CD2AP: variants seen among roughly 807,000 people sequenced by gnomAD.
CD2AP encodes the protein CD2 associated protein, also known as CD2-associated protein.
Under a neutral mutation model 85.1 loss-of-function variants are expected in CD2AP, and 46 were observed. That is an observed-to-expected ratio of 0.54 (90% confidence interval 0.43 to 0.69). The LOEUF (loss-of-function observed/expected upper bound fraction) is 0.69. Ranked by LOEUF, CD2AP falls within the 30% of genes least tolerant of loss-of-function variation. CD2AP has a pLI of 0.00. For synonymous variants in CD2AP, 255 were observed against 252.9 expected (o/e 1.01, Z -0.08); for missense variants, 769 against 729.5 (o/e 1.05, Z -0.62).
intron 2 of CD2AP, among the ~76,000 whole-genome samples, chr6:47,519,545 T>A (rs1026940213): frequency 6.6e-6 from 1 of 152,194 alleles, no homozygotes; most frequent in African/African-American, 2.4e-5. Flanking sequence ...CTGAAGATGC[T>A]TCACCCTAGA....
chr6:47,564,677 A>G (rs1026425360), intron 5 of CD2AP, among the ~76,000 whole-genome samples: 1 of 151,852 alleles, frequency 6.6e-6, no homozygotes. Flanking sequence ...GTTTCTGCAT[A>G]TTGTTGTGAA....
intron 5 of CD2AP, among the ~76,000 whole-genome samples, chr6:47,564,110 A>T (rs1767931189): frequency 6.6e-6 from 1 of 152,166 alleles, no homozygotes; most frequent in Non-Finnish European, 1.5e-5. Context: ...TTCTGAAGTC[A>T]GAACTGATGT....
intron 13 of CD2AP, 132 bp downstream of exon 13, chr6:47,599,575 T>C (rs537975116): frequency 4.7e-4 from 405 of 853,102 alleles, no homozygotes; most frequent in Non-Finnish European, 5.9e-4. Flanking sequence ...TGAAATTTGT[T>C]TAAAATTTAG....
chr6:47,520,683 A>G (rs1766565147), intron 2 of CD2AP, among the ~76,000 whole-genome samples: 1 of 147,380 alleles, frequency 6.8e-6, no homozygotes, highest in South Asian at 2.2e-4. Context: ...ATGGAAGTCT[A>G]GGTTCCCTAC....
chr6:47,587,005 A>G (rs998926489), intron 11 of CD2AP, among the ~76,000 whole-genome samples: 5 of 152,198 alleles, frequency 3.3e-5, no homozygotes, highest in Non-Finnish European at 5.9e-5. Context: ...TGAATAAGAA[A>G]AATGTCAGTG....
At chr6:47,589,455 TATAC>T (rs1162525947) in intron 11 of CD2AP, among the ~76,000 whole-genome samples, 2 of 148,772 alleles carry the variant, frequency 1.3e-5, no homozygotes, top group Non-Finnish European at 3.0e-5. Flanking sequence ...CACAAATATA[TATAC>T]ATATATACAC....
intron 5 of CD2AP, among the ~76,000 whole-genome samples, chr6:47,560,994 T>TAAATA (rs1767845277): frequency 6.6e-6 from 1 of 152,224 alleles, no homozygotes; most frequent in Non-Finnish European, 1.5e-5. Flanking sequence ...TATGTATTTA[T>TAAATA]CAGTGTGGGC....
chr6:47,495,622 TC>T (rs1286398254), intron 1 of CD2AP, among the ~76,000 whole-genome samples: 4 of 152,160 alleles, frequency 2.6e-5, no homozygotes, highest in African/African-American at 9.7e-5. Flanking sequence ...TTTACCTGCC[TC>T]CTGTCTGTAT....
intron 1 of CD2AP, among the ~76,000 whole-genome samples, chr6:47,501,881 T>C (rs1376319990): frequency 6.6e-6 from 1 of 152,262 alleles, no homozygotes; most frequent in Non-Finnish European, 1.5e-5. Flanking sequence ...ATCTTCATTT[T>C]AGAGTTTGTT....
chr6:47,553,020 G>C (rs186319727), intron 4 of CD2AP, among the ~76,000 whole-genome samples: 2 of 150,148 alleles, frequency 1.3e-5, no homozygotes, highest in Non-Finnish European at 3.0e-5. Flanking sequence ...AGCCCTTTCT[G>C]TTTGCTCCTA....
chr6:47,517,932 A>T (rs1766493833), intron 2 of CD2AP, among the ~76,000 whole-genome samples: 1 of 152,192 alleles, frequency 6.6e-6, no homozygotes, highest in South Asian at 2.1e-4. Flanking sequence ...ACTAAATTTA[A>T]TGTGTTGTGA....
chr6:47,505,722 G>C (rs1460209812), intron 2 of CD2AP, among the ~76,000 whole-genome samples: 3 of 76,086 alleles, frequency 3.9e-5, no homozygotes, highest in Admixed American at 1.1e-4. Flanking sequence ...CGGGCTGAGG[G>C]GCTCCTCACT....
Position 47,500,796 on chromosome 6 carries a change from G to A in CD2AP, c.5-2484G>A, listed in dbSNP as rs1486027672. ...GAGTCCTGCCCTGTCACCCAGGCTG[G>A]TGTGCAGTGGCACAATCTTGGCTCA... On this transcript the variant is annotated intron_variant, in intron 1 of 17. Coordinates refer to ENST00000359314, the MANE Select transcript of CD2AP (RefSeq NM_012120.3). Among the ~76,000 whole-genome samples the A allele has an allele frequency of 1.3e-4, 19 of 151,556 alleles. No homozygotes were observed. The East Asian group carries it at 3.1e-3, about 25-fold the overall frequency.
At chr6:47,528,954 C>T (rs1369482160) in intron 2 of CD2AP, among the ~76,000 whole-genome samples, 1 of 152,098 alleles carries the variant, frequency 6.6e-6, no homozygotes, top group Non-Finnish European at 1.5e-5. Flanking sequence ...GGCTTATCTT[C>T]TCACTCTCTT....
At chr6:47,516,701 C>T (rs1338687644) in intron 2 of CD2AP, among the ~76,000 whole-genome samples, 1 of 151,966 alleles carries the variant, frequency 6.6e-6, no homozygotes, top group Admixed American at 6.6e-5. Flanking sequence ...ATATACTTCC[C>T]ATTTTTTTTT....
At chr6:47,620,764 T>C (rs1769720224) in intron 17 of CD2AP, among the ~76,000 whole-genome samples, 1 of 152,212 alleles carries the variant, frequency 6.6e-6, no homozygotes, top group African/African-American at 2.4e-5. Flanking sequence ...TTCTGACTCC[T>C]TGGTTAGGTG....
intron 11 of CD2AP, among the ~76,000 whole-genome samples, chr6:47,587,130 T>A (rs1282159844): frequency 6.6e-6 from 1 of 152,182 alleles, no homozygotes; most frequent in Non-Finnish European, 1.5e-5. Context: ...CTACCCTTGT[T>A]CCCATAGTTG....
rs1025608540 is a variant in CD2AP, at chr6:47,576,600, A to G, written c.806A>G (p.Lys269Arg). Reference protein sequence around the residue: ...ITKTDTEGKIKAKEYCRTLFA... With the variant: ...ITKTDTEGKIRAKEYCRTLFA... ...AAAACAGATACCGAAGGTAAAATTA[A>G]AGGTATGTTTTTGAATAAAGCTTTC... The change falls in exon 7 of 18, where the codon AAA (lysine) becomes AGA (arginine). Residue 269 changes from lysine (K) to arginine (R), a missense_variant and splice_region_variant. Transcript: ENST00000359314. 6.2e-7 allele frequency: 1 copy of G among 1,602,546 alleles called. No individual in the cohort carries two copies. Among genetic ancestry groups the G allele is most frequent in the Admixed American group, 1.7e-5 (1 of 60,014 alleles).
At chr6:47,552,288 C>G (rs773067251) in intron 4 of CD2AP, among the ~76,000 whole-genome samples, 3 of 151,790 alleles carry the variant, frequency 2.0e-5, no homozygotes, top group Admixed American at 6.6e-5. Context: ...GTCTTTTATC[C>G]CTTGCCACCC....
Sources: gnomAD v4.1 joint callset for allele counts (sites outside exome capture counted in the v4.1 genomes callset) on GRCh38, gnomAD v4.1.1 for gene constraint, MANE v1.5 for transcripts, NCBI Gene and HGNC (gene_info 2026-07-23, HGNC 2026-07-21) for gene names.